CACNA1C: variants seen among roughly 807,000 people sequenced by gnomAD.
The protein encoded by CACNA1C is voltage-dependent L-type calcium channel subunit alpha-1C.
In CACNA1C, 30 loss-of-function variants were observed where a neutral mutation model predicts 229.0. The ratio of observed to expected loss-of-function variants is 0.13; its 90% CI spans 0.10 to 0.18. The LOEUF (loss-of-function observed/expected upper bound fraction) is 0.18, where lower values mean the gene tolerates loss of function less well. Ranked by LOEUF, CACNA1C falls within the 10% of genes least tolerant of loss-of-function variation. The pLI is 1.00. For missense variants in CACNA1C, 1,658 were observed against 2,845.0 expected, an observed-to-expected ratio of 0.58 and a Z score of 9.49; for synonymous variants, 1,114 against 1,132.5, an observed-to-expected ratio of 0.98 and a Z score of 0.33.
intron 1 of CACNA1C, among the ~76,000 whole-genome samples, chr12:2,076,720 G>A (rs185612620): frequency 1.3e-5 from 2 of 152,038 alleles, no homozygotes; most frequent in East Asian, 1.9e-4. Context: ...CACTTGTATC[G>A]GAACCATTGC....
At chr12:2,409,432 C>A (rs188196828) in intron 3 of CACNA1C, among the ~76,000 whole-genome samples, 1 of 152,176 alleles carries the variant, frequency 6.6e-6, no homozygotes. Flanking sequence ...CACCGTCAGA[C>A]CAGGAGGTTG....
At position 2,080,616 on chromosome 12, in the gene CACNA1C, A is replaced by G. The variant is rs1455189418; in HGVS notation, c.49+27005A>G. On this transcript the variant is annotated intron_variant, in intron 1 of 46. Coordinates refer to ENST00000399655, the MANE Select transcript of CACNA1C (RefSeq NM_000719.7). Reference sequence around the variant, plus strand: ...ACTCTGTCTCAAAAAAAAAAACAAAAAACAAAGAGATAAAGGAAGAAATAG... The same window carrying G: ...ACTCTGTCTCAAAAAAAAAAACAAAGAACAAAGAGATAAAGGAAGAAATAG... Among the ~76,000 whole-genome samples, 3 of 151,984 alleles carry G rather than the reference A, an allele frequency of 2.0e-5. No homozygotes were observed. The East Asian group carries it at 5.8e-4, about 29-fold the overall frequency.
chr12:2,096,172 T>A (rs1423979326), intron 1 of CACNA1C, among the ~76,000 whole-genome samples: 2 of 152,242 alleles, frequency 1.3e-5, no homozygotes, highest in East Asian at 3.8e-4. Flanking sequence ...GTCCGATGCC[T>A]GATTTTTAAC....
intron 3 of CACNA1C, among the ~76,000 whole-genome samples, chr12:2,206,560 G>C (rs1239954712): frequency 6.6e-6 from 1 of 152,216 alleles, no homozygotes; most frequent in Non-Finnish European, 1.5e-5. Flanking sequence ...GAGTTGTCAT[G>C]AATATTCAAT....
At position 2,494,821 on chromosome 12, in the gene CACNA1C, CAT is replaced by C. The variant is rs553205577; in HGVS notation, c.1113+1436_1113+1437del. Reference sequence around the variant, plus strand: ...ATGCCAAACCCCAGTGTTGCTATGACATGTGTCCCTCCCTCTGTAAGTGACAA... The same window carrying C: ...ATGCCAAACCCCAGTGTTGCTATGACGTGTCCCTCCCTCTGTAAGTGACAA... On this transcript the variant is annotated intron_variant, in intron 7 of 46. Transcript: ENST00000399655. 1.6e-3 allele frequency among the ~76,000 whole-genome samples: 246 copies of C among 152,366 alleles called. 1 individual carries two copies. Among genetic ancestry groups the C allele is most frequent in the African/African-American group, 5.8e-3 (243 of 41,582 alleles).
chr12:2,057,329 G>GTGAA (rs956157794), intron 1 of CACNA1C, among the ~76,000 whole-genome samples: 1 of 152,216 alleles, frequency 6.6e-6, no homozygotes. Flanking sequence ...AAATGTCTGC[G>GTGAA]TGAATGAATG....
chr12:2,101,640 C>T (rs1055403682), intron 1 of CACNA1C, among the ~76,000 whole-genome samples: 4 of 152,180 alleles, frequency 2.6e-5, no homozygotes, highest in African/African-American at 9.7e-5. Flanking sequence ...GCTGGGTGTT[C>T]AGAGGCACGA....
intron 3 of CACNA1C, among the ~76,000 whole-genome samples, chr12:2,175,944 T>C (rs1189249763): frequency 6.6e-6 from 1 of 152,232 alleles, no homozygotes; most frequent in Non-Finnish European, 1.5e-5. Context: ...AACATCCTGA[T>C]GGTTCAGCAG....
chr12:2,229,881 C>T (rs565404592), intron 3 of CACNA1C, among the ~76,000 whole-genome samples: 12 of 152,254 alleles, frequency 7.9e-5, no homozygotes, highest in African/African-American at 2.9e-4. Context: ...CAGCTTTTGC[C>T]CGGAAGGAGG....
Position 2,585,304 on chromosome 12 carries a change from G to T in CACNA1C, c.2340-72G>T. 6.7e-7 allele frequency: 1 copy of T among 1,496,364 alleles called. No homozygotes were observed. Among genetic ancestry groups the T allele is most frequent in the Non-Finnish European group, 9.0e-7 (1 of 1,110,698 alleles). The allele number at this position is 1,496,364 out of a possible 1,614,324, so 92.7% of individuals were successfully genotyped here. ...CTCTGGCCCCAACAGGCCACAGGGC[G>T]GTTCCCTCCTACACTGTTCCCTATC... On this transcript the variant is annotated intron_variant, in intron 16 of 46. Coordinates refer to ENST00000399655, the MANE Select transcript of CACNA1C (RefSeq NM_000719.7). This position sits in a 1 kb window ranked among gnomAD's most constrained non-coding sequence, Gnocchi z 4.1.
chr12:2,232,034 T>C (rs1344055901), intron 3 of CACNA1C, among the ~76,000 whole-genome samples: 2 of 152,168 alleles, frequency 1.3e-5, no homozygotes, highest in Non-Finnish European at 2.9e-5. Flanking sequence ...ATGACCATAA[T>C]ATAGTGATTA....
intron 1 of CACNA1C, among the ~76,000 whole-genome samples, chr12:2,106,842 G>A (rs533363772): frequency 1.3e-5 from 1 of 75,152 alleles, no homozygotes; most frequent in Non-Finnish European, 2.8e-5. Flanking sequence ...GCGTCCTGAA[G>A]CCACTGGGCG....
At chr12:2,600,468 G>A (rs2153396129) in intron 21 of CACNA1C, among the ~76,000 whole-genome samples, 1 of 152,328 alleles carries the variant, frequency 6.6e-6, no homozygotes, top group East Asian at 1.9e-4. Flanking sequence ...CCAAAGAGAT[G>A]AACTGGACCC....
chr12:2,042,946 A>T (rs1383359388), intron 1 of CACNA1C, among the ~76,000 whole-genome samples: 1 of 152,204 alleles, frequency 6.6e-6, no homozygotes, highest in Non-Finnish European at 1.5e-5. Context: ...TACAAGCATA[A>T]ATATGCCTGT....
chr12:2,583,045 C>T lies in CACNA1C; in HGVS notation c.2224+103C>T, dbSNP rs950081716. 3.8e-6 allele frequency: 3 copies of T among 784,080 alleles called. No homozygotes were observed. In the African/African-American group the frequency reaches 5.1e-5, roughly 13 times the overall value. The allele number at this position is 784,080 out of a possible 1,614,324, so 48.6% of individuals were successfully genotyped here. The stretch of plus-strand genomic sequence containing the variant: ...TCAGGTCCGGGCGGTCCTGCTCGGG[C>T]TCACACCACCCAGCCTAGAACCCCA... On this transcript the variant is annotated intron_variant, in intron 15 of 46. Coordinates refer to ENST00000399655, the MANE Select transcript of CACNA1C (RefSeq NM_000719.7).
intron 8 of CACNA1C, 71 bp downstream of exon 8, chr12:2,505,016 C>A: frequency 1.2e-6 from 1 of 830,944 alleles, no homozygotes. Flanking sequence ...CTATTCCTGG[C>A]TGTATTCTTT....
intron 9 of CACNA1C, among the ~76,000 whole-genome samples, chr12:2,525,287 G>A (rs1413338777): frequency 6.6e-6 from 1 of 152,210 alleles, no homozygotes; most frequent in African/African-American, 2.4e-5. Context: ...GTCAGTCAGA[G>A]GCTGATAAGG....
chr12:2,452,237 C>A (rs940658961), intron 4 of CACNA1C, among the ~76,000 whole-genome samples: 11 of 152,000 alleles, frequency 7.2e-5, no homozygotes, highest in Non-Finnish European at 1.5e-4. Flanking sequence ...GCACAAGACA[C>A]GTGGCATTTC....
At chr12:2,024,355 A>G (rs2046957947) in intron 1 of CACNA1C, among the ~76,000 whole-genome samples, 1 of 152,232 alleles carries the variant, frequency 6.6e-6, no homozygotes. Context: ...GCTAGCTGCT[A>G]TAATAGAAAC....
Sources: gnomAD v4.1 joint callset for allele counts (sites outside exome capture counted in the v4.1 genomes callset) on GRCh38, gnomAD v4.1.1 for gene constraint, Gnocchi (gnomAD v3.1) non-coding constraint, MANE v1.5 for transcripts, NCBI Gene and HGNC (gene_info 2026-07-23, HGNC 2026-07-21) for gene names.